The following PIK3C2A variants were observed in gnomAD, a reference collection of about 807,000 sequenced individuals.
The protein encoded by PIK3C2A is phosphatidylinositol 4-phosphate 3-kinase C2 domain-containing subunit alpha.
In PIK3C2A, 97 loss-of-function variants were observed where a neutral mutation model predicts 204.5. That is an observed-to-expected ratio of 0.47 (90% CI 0.40 to 0.56). The LOEUF (loss-of-function observed/expected upper bound fraction) is 0.56, where lower values mean the gene tolerates loss of function less well. PIK3C2A is among the 20% of genes least tolerant of loss of function. The probability of loss-of-function intolerance (pLI) is 0.00; values close to 1 mark genes in which losing one functional copy is unlikely to be tolerated. For synonymous variants in PIK3C2A, 653 were observed against 664.4 expected (o/e 0.98, Z 0.26); for missense variants, 1,735 against 1,969.2 (o/e 0.88, Z 2.25).
At chr11:17,187,161 T>C (rs1851779518) in intron 1 of PIK3C2A, among the ~76,000 whole-genome samples, 1 of 152,040 alleles carries the variant, frequency 6.6e-6, no homozygotes, top group Non-Finnish European at 1.5e-5. Context: ...GTAGTTGAGA[T>C]TGCCCTGGGA....
chr11:17,098,193 C>T (rs908104472), intron 26 of PIK3C2A, among the ~76,000 whole-genome samples: 4 of 152,182 alleles, frequency 2.6e-5, no homozygotes, highest in Non-Finnish European at 5.9e-5. Context: ...AGGCTTTTGC[C>T]CCACTATGGA....
At chr11:17,124,357 A>G (rs1849453770) in intron 13 of PIK3C2A, among the ~76,000 whole-genome samples, 1 of 152,174 alleles carries the variant, frequency 6.6e-6, no homozygotes, top group South Asian at 2.1e-4. Context: ...TCTAGTCACT[A>G]TTCAAATTTC....
In PIK3C2A at chr11:17,118,522, C is replaced by G. The variant is rs113987901; in HGVS notation, c.3035+123G>C. On this transcript the variant is annotated intron_variant, in intron 18 of 32. Coordinates refer to ENST00000691414, the MANE Select transcript of PIK3C2A (RefSeq NM_002645.4). ...TAAATTTAGCTCCTTTAAAATAATA[C>G]CTTCAATAAAATATCTTGTATCCAC... is the stretch of plus-strand genomic sequence containing the variant. 1,743 of 555,960 alleles carry G rather than the reference C, an allele frequency of 3.1e-3. 33 individuals carry two copies. Among genetic ancestry groups the G allele is most frequent in the African/African-American group, 0.03 (1,566 of 51,478 alleles). The allele number at this position is 555,960 out of a possible 1,614,324, so 34.4% of individuals were successfully genotyped here.
At chr11:17,129,214 C>T in intron 13 of PIK3C2A, 86 bp downstream of exon 13, 2 of 1,011,190 alleles carry the variant, frequency 2.0e-6, no homozygotes, top group South Asian at 3.0e-5. Context: ...CATCTATGTT[C>T]CTCCCCTCAC....
chr11:17,168,314 G>C (rs752222771), intron 2 of PIK3C2A, among the ~76,000 whole-genome samples: 15 of 152,322 alleles, frequency 9.8e-5, no homozygotes, highest in African/African-American at 3.6e-4. Flanking sequence ...GGGCGCAGTG[G>C]CTCACGCCTG....
chr11:17,127,839 A>G (rs946295940), intron 13 of PIK3C2A, among the ~76,000 whole-genome samples: 7 of 152,232 alleles, frequency 4.6e-5, no homozygotes, highest in African/African-American at 1.4e-4. Flanking sequence ...CCCAAGGGAC[A>G]CAAGGTTTCA....
In PIK3C2A at chr11:17,129,420, A is replaced by G; in HGVS notation, c.2279T>C (p.Leu760Pro). ...QISQLPLESV[L>P]HLTLFGILNQ... ...TAAAATTCCAAAAAGAGTAAGGTGA[A>G]GAACTGATTCTAATGGCAATTGTGA... Residue 760 changes from leucine to proline, a missense_variant, in exon 13 of 33, where the codon CTT (leucine) becomes CCT (proline). Physicochemically the swap from Leu to Pro is moderately conservative, Grantham distance 98. This residue lies in a region of PIK3C2A where 567 missense variants were observed against 576.0 expected (regional missense o/e 0.98). Coordinates refer to ENST00000691414, the MANE Select transcript of PIK3C2A (RefSeq NM_002645.4). 6.2e-7 allele frequency: 1 copy of G among 1,610,810 alleles called. No homozygotes were observed. Among genetic ancestry groups the G allele is most frequent in the Non-Finnish European group, 8.5e-7 (1 of 1,177,012 alleles).
chr11:17,134,674 A>T (rs1040814268), intron 11 of PIK3C2A, 145 bp downstream of exon 11: 11 of 639,782 alleles, frequency 1.7e-5, no homozygotes, highest in African/African-American at 3.7e-5. Context: ...TAATTTTTTT[A>T]AAATTCTTTT....
At chr11:17,118,781 T>C (rs555915958) in intron 17 of PIK3C2A, 42 bp from the exon 18 acceptor site, 6 of 908,864 alleles carry the variant, frequency 6.6e-6, no homozygotes, top group Admixed American at 2.2e-5. Context: ...GTCTAACCCA[T>C]ACTAAATTGT....
chr11:17,197,211 G>A (rs560081727), intron 1 of PIK3C2A, among the ~76,000 whole-genome samples: 4 of 152,030 alleles, frequency 2.6e-5, no homozygotes, highest in East Asian at 1.9e-4. Flanking sequence ...GTAGAGATGC[G>A]GTTTCACCAT....
intron 20 of PIK3C2A, among the ~76,000 whole-genome samples, chr11:17,113,384 TA>T (rs1377362065): frequency 6.6e-6 from 1 of 152,126 alleles, no homozygotes; most frequent in Non-Finnish European, 1.5e-5. Flanking sequence ...TTCCTTCTTC[TA>T]AATCACTGTG....
chr11:17,152,259 C>A (rs1436098196), intron 3 of PIK3C2A, among the ~76,000 whole-genome samples: 1 of 152,006 alleles, frequency 6.6e-6, no homozygotes, highest in East Asian at 1.9e-4. Context: ...TATAATGAGT[C>A]TTTTTTGTAT....
chr11:17,206,859 C>T (rs2137600423), intron 1 of PIK3C2A, among the ~76,000 whole-genome samples: 1 of 152,284 alleles, frequency 6.6e-6, no homozygotes, highest in South Asian at 2.1e-4. Context: ...GCCTGAAACC[C>T]ACCAGGAAAG....
At chr11:17,159,298 TA>T (rs765084297) in intron 2 of PIK3C2A, among the ~76,000 whole-genome samples, 259 of 152,356 alleles carry the variant, frequency 1.7e-3, no homozygotes, top group Middle Eastern at 3.4e-3. Flanking sequence ...TCACACTGTA[TA>T]ACCACACACA....
intron 1 of PIK3C2A, chr11:17,193,877 GAAAA>G (rs1565305853): frequency 4.3e-5 from 8 of 186,642 alleles, no homozygotes; most frequent in Admixed American, 1.4e-4. Context: ...GAAAAGAAAA[GAAAA>G]GAAAAGAAAA....
intron 19 of PIK3C2A, chr11:17,115,666 G>T (rs1252106968): frequency 6.6e-6 from 1 of 151,650 alleles, no homozygotes; most frequent in Non-Finnish European, 1.5e-5. Flanking sequence ...ATTTTTAACA[G>T]AACACTTCAC....
intron 3 of PIK3C2A, among the ~76,000 whole-genome samples, chr11:17,154,258 G>A (rs945517294): frequency 1.3e-5 from 2 of 152,092 alleles, no homozygotes; most frequent in Non-Finnish European, 2.9e-5. Flanking sequence ...AAAATACAAG[G>A]CCTGTCTGGG....
At chr11:17,144,657 G>A (rs1850170078) in intron 8 of PIK3C2A, among the ~76,000 whole-genome samples, 2 of 152,054 alleles carry the variant, frequency 1.3e-5, no homozygotes, top group Admixed American at 1.3e-4. Flanking sequence ...CACTTTAGAT[G>A]GCCAAGGTGG....
intron 13 of PIK3C2A, among the ~76,000 whole-genome samples, chr11:17,123,158 A>G (rs913294572): frequency 1.8e-4 from 27 of 152,248 alleles, no homozygotes; most frequent in African/African-American, 6.5e-4. Context: ...ACAAAGAAAT[A>G]TATCTCAAGG....
Sources: allele counts gnomAD v4.1 joint callset (sites outside exome capture counted in the v4.1 genomes callset), GRCh38; gene constraint gnomAD v4.1.1; regional missense constraint gnomAD v4.1.1; transcripts MANE v1.5; gene names NCBI Gene and HGNC (gene_info 2026-07-23, HGNC 2026-07-21).